The following MAGI2 variants were observed in gnomAD, a reference collection of about 807,000 sequenced individuals.
The protein encoded by MAGI2 is membrane associated guanylate kinase, WW and PDZ domain containing 2, also known as membrane-associated guanylate kinase, WW and PDZ domain-containing protein 2.
A neutral mutation model predicts 133.3 loss-of-function variants in MAGI2; 35 were observed. The ratio of observed to expected loss-of-function variants is 0.26; its 90% CI spans 0.20 to 0.35. The LOEUF (loss-of-function observed/expected upper bound fraction) is 0.35. MAGI2 is among the 10% of genes least tolerant of loss of function. MAGI2 has a pLI of 1.00. For missense variants in MAGI2, 1,636 were observed against 1,863.4 expected, an observed-to-expected ratio of 0.88 and a Z score of 2.25; for synonymous variants, 729 against 710.6, an observed-to-expected ratio of 1.03 and a Z score of -0.41.
chr7:78,424,198 C>T (rs1457850782), intron 6 of MAGI2, among the ~76,000 whole-genome samples: 2 of 152,182 alleles, frequency 1.3e-5, no homozygotes, highest in African/African-American at 4.8e-5. Context: ...CCACTCCAGC[C>T]ATGACTAAAA....
intron 21 of MAGI2, among the ~76,000 whole-genome samples, chr7:78,059,777 A>ATTTATT (rs1813027660): frequency 6.8e-6 from 1 of 146,086 alleles, no homozygotes; most frequent in African/African-American, 2.5e-5. Flanking sequence ...ATATATATAT[A>ATTTATT]TTTTTTTTCT....
chr7:79,064,194 A>G (rs1294549276), intron 1 of MAGI2, among the ~76,000 whole-genome samples: 1 of 152,052 alleles, frequency 6.6e-6, no homozygotes, highest in Non-Finnish European at 1.5e-5. Flanking sequence ...CTATAGAAAA[A>G]AAATCTGCTG....
chr7:78,781,701 A>G (rs1826414389), intron 2 of MAGI2, among the ~76,000 whole-genome samples: 1 of 152,168 alleles, frequency 6.6e-6, no homozygotes, highest in African/African-American at 2.4e-5. Context: ...GTAAAAAATT[A>G]TATTAGAAAT....
rs1554441619 is a variant in MAGI2, at chr7:78,085,550, C to CACACACACA, written c.3568-6466_3568-6465insTGTGTGTGT. Among the ~76,000 whole-genome samples, 157 of 121,040 alleles carry CACACACACA rather than the reference C, an allele frequency of 1.3e-3. 1 individual carries two copies. Among genetic ancestry groups the CACACACACA allele is most frequent in the African/African-American group, 2.1e-3 (62 of 29,978 alleles). The allele number at this position is 121,040 out of a possible 152,430, so 79.4% of individuals were successfully genotyped here. A position where few individuals can be genotyped will look rare whatever the true frequency, so the allele number is the denominator to read the frequency against. On this transcript the variant is annotated intron_variant, in intron 20 of 21. Transcript: ENST00000354212. ...AAAACAAAACAAAATAATAAAACTC[C>CACACACACA]CACACACACACACACACACACACAC...
At chr7:78,514,536 A>G (rs1795881848) in intron 4 of MAGI2, among the ~76,000 whole-genome samples, 1 of 152,168 alleles carries the variant, frequency 6.6e-6, no homozygotes. Flanking sequence ...TGGGAACAAG[A>G]TCATAAAATT....
At chr7:78,710,836 G>C (rs323132) in intron 2 of MAGI2, among the ~76,000 whole-genome samples, 10,793 of 152,138 alleles carry the variant, frequency 0.071, 864 homozygotes, top group East Asian at 0.42. Flanking sequence ...TTGCAAAATT[G>C]ATGATTATTA....
chr7:78,108,955 T>C (rs1389052973), intron 20 of MAGI2, among the ~76,000 whole-genome samples: 5 of 151,954 alleles, frequency 3.3e-5, no homozygotes, highest in Admixed American at 6.6e-5. Context: ...ATTGGAGGAA[T>C]AGAGTAGCAT....
intron 9 of MAGI2, among the ~76,000 whole-genome samples, chr7:78,323,195 T>G (rs1247189490): frequency 6.6e-6 from 1 of 152,198 alleles, no homozygotes; most frequent in Non-Finnish European, 1.5e-5. Context: ...GAATATCAAG[T>G]ATATACTTGG....
chr7:78,651,445 C>A (rs1811562186), intron 2 of MAGI2, among the ~76,000 whole-genome samples: 1 of 152,040 alleles, frequency 6.6e-6, no homozygotes, highest in South Asian at 2.1e-4. Context: ...GAAGCACCCC[C>A]TGTGCTTTGT....
At chr7:78,703,833 AAC>A (rs550121443) in intron 2 of MAGI2, among the ~76,000 whole-genome samples, 15 of 31,260 alleles carry the variant, frequency 4.8e-4, no homozygotes, top group East Asian at 8.6e-3. Context: ...TACACACACA[AAC>A]ACACACACAC....
intron 3 of MAGI2, among the ~76,000 whole-genome samples, chr7:78,522,915 G>A (rs1291669048): frequency 6.6e-6 from 1 of 152,074 alleles, no homozygotes; most frequent in Admixed American, 6.5e-5. Flanking sequence ...GAGAGAAAAA[G>A]GATGAATACA....
chr7:78,939,229 A>C (rs1045835800), intron 2 of MAGI2, among the ~76,000 whole-genome samples: 1 of 152,044 alleles, frequency 6.6e-6, no homozygotes. Flanking sequence ...CCTGACCTCA[A>C]GTGATCTGCC....
At chr7:78,461,401 T>TGTGTGTGTGTGTGC (rs1554423881) in intron 6 of MAGI2, among the ~76,000 whole-genome samples, 1 of 100,874 alleles carries the variant, frequency 9.9e-6, no homozygotes, top group African/African-American at 3.8e-5. Context: ...TGCGTGTGTG[T>TGTGTGTGTGTGTGC]GTGTGTGTGT....
chr7:78,983,739 T>G (rs1337600762), intron 2 of MAGI2, among the ~76,000 whole-genome samples: 1 of 151,996 alleles, frequency 6.6e-6, no homozygotes, highest in Non-Finnish European at 1.5e-5. Context: ...TGAAACATTT[T>G]ATTTAATTAT....
chr7:79,110,883 C>T (rs1020213297), intron 1 of MAGI2, among the ~76,000 whole-genome samples: 3 of 152,078 alleles, frequency 2.0e-5, no homozygotes, highest in Non-Finnish European at 4.4e-5. Context: ...AATGAGTTCT[C>T]ACAAGATCTG....
At chr7:78,211,315 A>G (rs6967325) in intron 10 of MAGI2, among the ~76,000 whole-genome samples, 44,198 of 152,062 alleles carry the variant, frequency 0.29, 7,024 homozygotes, top group Admixed American at 0.35. Flanking sequence ...ATCAATGGGA[A>G]TCTTAGGGGT....
At chr7:78,276,965 A>T (rs1399687780) in intron 9 of MAGI2, among the ~76,000 whole-genome samples, 3 of 152,072 alleles carry the variant, frequency 2.0e-5, no homozygotes, top group Non-Finnish European at 4.4e-5. Context: ...CAGACTTCTT[A>T]TTTCTCTCTG....
intron 6 of MAGI2, among the ~76,000 whole-genome samples, chr7:78,394,342 C>A (rs898622898): frequency 6.6e-6 from 1 of 152,174 alleles, no homozygotes; most frequent in Non-Finnish European, 1.5e-5. Context: ...AGTTTTGGTG[C>A]TTTCCCCTTT....
At chr7:78,155,659 A>G (rs1227424799) in intron 16 of MAGI2, among the ~76,000 whole-genome samples, 1 of 152,128 alleles carries the variant, frequency 6.6e-6, no homozygotes, top group African/African-American at 2.4e-5. Flanking sequence ...CAAACAAGCA[A>G]AAAGATATTC....
Sources: allele counts gnomAD v4.1 joint callset (sites outside exome capture counted in the v4.1 genomes callset), GRCh38; gene constraint gnomAD v4.1.1; transcripts MANE v1.5; gene names NCBI Gene and HGNC (gene_info 2026-07-23, HGNC 2026-07-21).